KIF13B: variants seen among roughly 807,000 people sequenced by gnomAD.
KIF13B encodes kinesin-like protein KIF13B.
A neutral mutation model predicts 222.0 loss-of-function variants in KIF13B; 127 were observed. The observed-to-expected ratio is 0.57, with a 90% CI of 0.50 to 0.66. The LOEUF (loss-of-function observed/expected upper bound fraction) is 0.66, where lower values mean the gene tolerates loss of function less well. KIF13B is among the 30% of genes least tolerant of loss of function. KIF13B has a pLI of 0.00. For synonymous variants in KIF13B, 976 were observed against 919.0 expected, an observed-to-expected ratio of 1.06 and a Z score of -1.12; for missense variants, 2,173 against 2,379.0, an observed-to-expected ratio of 0.91 and a Z score of 1.80.
At chr8:29,237,299 T>C (rs1815555964) in intron 2 of KIF13B, among the ~76,000 whole-genome samples, 1 of 151,880 alleles carries the variant, frequency 6.6e-6, no homozygotes, top group African/African-American at 2.4e-5. Context: ...AAAAATGCAA[T>C]AGTAGGACCT....
chr8:29,186,981 A>G (rs1303189771), intron 5 of KIF13B, among the ~76,000 whole-genome samples: 2 of 151,710 alleles, frequency 1.3e-5, no homozygotes, highest in Admixed American at 6.6e-5. Context: ...AAAAAAAAAA[A>G]AAAAAGAAAA....
At chr8:29,190,719 C>T (rs1021608912) in intron 4 of KIF13B, 9 of 404,286 alleles carry the variant, frequency 2.2e-5, no homozygotes, top group African/African-American at 1.9e-4. Flanking sequence ...TCTTGTGGGA[C>T]TGAGCCCTCA....
chr8:29,181,683 C>G (rs1026706332), intron 7 of KIF13B, among the ~76,000 whole-genome samples: 1 of 152,212 alleles, frequency 6.6e-6, no homozygotes, highest in Non-Finnish European at 1.5e-5. Flanking sequence ...TGATTCCAAA[C>G]CCACTTTAGA....
chr8:29,167,489 C>T lies in KIF13B; in HGVS notation c.1042G>A (p.Asp348Asn). 5 of 1,614,032 alleles carry T rather than the reference C, an allele frequency of 3.1e-6. No individual in the cohort carries two copies. The highest frequency in any genetic ancestry group is 1.3e-5 in the African/African-American group (1 of 75,058). The stretch of plus-strand genomic sequence containing the variant: ...TGGTTTACAATGTGCTTGGCTCGAT[C>T]TGCATACCGCAGAGTTGAGAGGGTT... ...DETLSTLRYA[D>N]RAKHIVNHAV... The change falls in exon 11 of 40, where the codon GAT (aspartate) becomes AAT (asparagine). Residue 348 changes from aspartate to asparagine, a missense_variant. Physicochemically the swap from Asp to Asn is conservative, Grantham distance 23. Coordinates refer to ENST00000524189, the MANE Select transcript of KIF13B (RefSeq NM_015254.4).
At chr8:29,105,476 C>G (rs945554377) in intron 35 of KIF13B, among the ~76,000 whole-genome samples, 1 of 152,130 alleles carries the variant, frequency 6.6e-6, no homozygotes, top group African/African-American at 2.4e-5. Context: ...CTGTGTGAAG[C>G]CAGTGGGGGG....
chr8:29,171,185 G>A (rs188896329), intron 10 of KIF13B, among the ~76,000 whole-genome samples: 1 of 152,172 alleles, frequency 6.6e-6, no homozygotes, highest in Non-Finnish European at 1.5e-5. Flanking sequence ...GTTACTTCAC[G>A]TTAAGAGGCC....
At chr8:29,240,106 G>C (rs1488899788) in intron 2 of KIF13B, among the ~76,000 whole-genome samples, 2 of 150,376 alleles carry the variant, frequency 1.3e-5, no homozygotes, top group Admixed American at 1.3e-4. Context: ...CCCAAGCTAA[G>C]TGGGTGATAT....
chr8:29,123,334 A>C (rs932606722), intron 28 of KIF13B, 32 bp downstream of exon 28: 9 of 1,610,820 alleles, frequency 5.6e-6, no homozygotes, highest in Non-Finnish European at 7.6e-6. Flanking sequence ...GTGAGCGTTC[A>C]GACCTCACAA....
chr8:29,099,736 C>G (rs1234604799), intron 35 of KIF13B, among the ~76,000 whole-genome samples: 1 of 151,950 alleles, frequency 6.6e-6, no homozygotes, highest in Non-Finnish European at 1.5e-5. Context: ...ATAATCATAC[C>G]CCCCCACACA....
chr8:29,168,704 G>A (rs192065029), intron 10 of KIF13B, among the ~76,000 whole-genome samples: 92 of 152,210 alleles, frequency 6.0e-4, no homozygotes, highest in Middle Eastern at 3.4e-3. Flanking sequence ...TCCCCACACC[G>A]GTCATGCCTT....
chr8:29,140,391 G>A (rs1810760803), intron 20 of KIF13B, 77 bp downstream of exon 20: 1 of 1,489,050 alleles, frequency 6.7e-7, no homozygotes, highest in African/African-American at 1.4e-5. Context: ...ACAAAAAATA[G>A]CAACAATATC....
intron 30 of KIF13B, among the ~76,000 whole-genome samples, chr8:29,117,929 AAGT>A (rs1336984595): frequency 2.6e-5 from 4 of 152,070 alleles, no homozygotes; most frequent in Admixed American, 2.6e-4. Context: ...AAGCCAAGGC[AAGT>A]AGATCACTTG....
intron 15 of KIF13B, among the ~76,000 whole-genome samples, chr8:29,149,043 G>T (rs1563741899): frequency 6.6e-6 from 1 of 152,216 alleles, no homozygotes; most frequent in Non-Finnish European, 1.5e-5. Flanking sequence ...ATAAAGGAAG[G>T]TGCGACAGGA....
intron 36 of KIF13B, among the ~76,000 whole-genome samples, chr8:29,093,993 A>C (rs1390783676): frequency 6.6e-6 from 1 of 152,230 alleles, no homozygotes; most frequent in Non-Finnish European, 1.5e-5. Flanking sequence ...TGAGGAAAAA[A>C]ATTACAATCT....
At chr8:29,168,746 A>C (rs1490090272) in intron 10 of KIF13B, among the ~76,000 whole-genome samples, 2 of 152,126 alleles carry the variant, frequency 1.3e-5, no homozygotes, top group Non-Finnish European at 2.9e-5. Flanking sequence ...CCCCATCCCC[A>C]ACACTTTAAT....
At position 29,071,487 on chromosome 8, in the gene KIF13B, G is replaced by A. The variant is rs899511473; in HGVS notation, c.5218+133C>T. On this transcript the variant is annotated intron_variant, in intron 39 of 39. Coordinates refer to ENST00000524189, the MANE Select transcript of KIF13B (RefSeq NM_015254.4). The surrounding 1 kb of genome is among the most constrained non-coding windows in gnomAD (Gnocchi z 4.9). Reference sequence around the variant, plus strand: ...CACCCCTGCAGGCCCAGCCGCTCCCGCAGCTTCAGCCAAGCCGCTGCCTCC... The same window carrying A: ...CACCCCTGCAGGCCCAGCCGCTCCCACAGCTTCAGCCAAGCCGCTGCCTCC... The A allele has an allele frequency of 1.3e-6, 1 of 773,674 alleles. No individual in the cohort carries two copies. The highest frequency in any genetic ancestry group is 2.7e-5 in the Admixed American group (1 of 37,554). The allele number at this position is 773,674 out of a possible 1,614,324, so 47.9% of individuals were successfully genotyped here. A position where few individuals can be genotyped will look rare whatever the true frequency, so the allele number is the denominator to read the frequency against.
chr8:29,207,968 C>T (rs556012250), intron 2 of KIF13B, among the ~76,000 whole-genome samples: 8 of 152,274 alleles, frequency 5.3e-5, no homozygotes, highest in South Asian at 2.1e-4. Context: ...GTGTTCATTT[C>T]GATATTTCCT....
chr8:29,217,338 C>G (rs73560768), intron 2 of KIF13B, among the ~76,000 whole-genome samples: 2 of 152,284 alleles, frequency 1.3e-5, no homozygotes, highest in South Asian at 2.1e-4. Flanking sequence ...AACACAGTGG[C>G]GAAGACTGGG....
rs529874085 is a variant in KIF13B at position 29,127,362 on chromosome 8, T to C, written c.3076-94A>G. On this transcript the variant is annotated intron_variant, in intron 24 of 39. Coordinates refer to ENST00000524189, the MANE Select transcript of KIF13B (RefSeq NM_015254.4). ...CCCTACAGGCTGATGTTGAGAAAAATGTTTAATTCAGACACTGTCACTATA... is the reference window on the plus strand; with the variant it reads ...CCCTACAGGCTGATGTTGAGAAAAACGTTTAATTCAGACACTGTCACTATA... The C allele has an allele frequency of 4.7e-6, 5 of 1,064,694 alleles. No individual in the cohort carries two copies. The South Asian group carries it at 5.2e-5, about 11-fold the overall frequency. 66.0% of individuals were successfully genotyped at this position (1,064,694 alleles called of 1,614,324 possible).
Sources: gnomAD v4.1 joint callset for allele counts (sites outside exome capture counted in the v4.1 genomes callset) on GRCh38, gnomAD v4.1.1 for gene constraint, Gnocchi (gnomAD v3.1) non-coding constraint, MANE v1.5 for transcripts, NCBI Gene and HGNC (gene_info 2026-07-23, HGNC 2026-07-21) for gene names.